Variants in ZNF335 observed in about 807,000 individuals in gnomAD.
The protein encoded by ZNF335 is NRC-interacting factor 1.
In ZNF335, 84 loss-of-function variants were observed where a neutral mutation model predicts 145.6. The ratio of observed to expected loss-of-function variants is 0.58; its 90% CI spans 0.48 to 0.69. ZNF335 has a LOEUF of 0.69. ZNF335 is among the 30% of genes least tolerant of loss of function. ZNF335 has a pLI of 0.00. For synonymous variants in ZNF335, 761 were observed against 717.0 expected (o/e 1.06, Z -0.98); for missense variants, 1,865 against 1,809.7 (o/e 1.03, Z -0.55).
At chr20:45,959,725 C>T (rs1358214044) in intron 14 of ZNF335, among the ~76,000 whole-genome samples, 2 of 152,316 alleles carry the variant, frequency 1.3e-5, no homozygotes, top group East Asian at 3.9e-4. Context: ...GGCTCCTTTT[C>T]TGTAATCGCC....
At chr20:45,956,563 G>A (rs1001441681) in intron 17 of ZNF335, among the ~76,000 whole-genome samples, 2 of 152,088 alleles carry the variant, frequency 1.3e-5, no homozygotes, top group Non-Finnish European at 2.9e-5. Context: ...GCTTTTGTAA[G>A]CAGAAAAACT....
rs1254761059 is a variant in ZNF335, at chr20:45,952,324, C to T, written c.3012G>A (p.Val1004=). 3 of 1,613,224 alleles carry T rather than the reference C, an allele frequency of 1.9e-6. No homozygotes were observed. The highest frequency in any genetic ancestry group is 3.3e-5 in the Admixed American group (2 of 59,958). The part of the protein sequence containing the change: ...PATSKALGLA[V]PPSPPSAATA... The stretch of plus-strand genomic sequence containing the variant: ...TGGCTGCAGATGGCGGTGACGGGGG[C>T]ACTGCCAGGCCCAGGGCTTTGCTGG... The change falls in exon 20 of 28, where the codon GTG becomes GTA. Residue 1004 remains valine (V), a synonymous_variant. Coordinates refer to ENST00000322927, the MANE Select transcript of ZNF335 (RefSeq NM_022095.4).
intron 20 of ZNF335, 129 bp downstream of exon 20, chr20:45,952,018 C>T: frequency 7.3e-7 from 1 of 1,365,610 alleles, no homozygotes; most frequent in Non-Finnish European, 9.7e-7. Context: ...GCGGAGTCAT[C>T]TCTGACCCAT....
rs774592503 is a variant in ZNF335 at position 45,953,756 on chromosome 20, T to A, written c.2635A>T (p.Thr879Ser). 26 of 1,614,042 alleles carry A rather than the reference T, an allele frequency of 1.6e-5. No individual in the cohort carries two copies. The highest frequency in any genetic ancestry group is 2.2e-5 in the Non-Finnish European group (26 of 1,180,030). Residue 879 changes from threonine (T) to serine (S), a missense_variant, in exon 18 of 28, where the codon ACT becomes TCT. Transcript: ENST00000322927. Reference protein sequence around the residue: ...ITLAPGPFGGTGYSVITAPPM... With the variant: ...ITLAPGPFGGSGYSVITAPPM... ...GGTGCTGTGATGACACTGTAGCCAG[T>A]CCCACCAAATGGACCAGGTGCCAGG... is the stretch of plus-strand genomic sequence containing the variant.
chr20:45,957,955 TGA>T (rs748016294), intron 15 of ZNF335, 27 bp from the exon 16 acceptor site: 112 of 1,583,514 alleles, frequency 7.1e-5, no homozygotes, highest in Non-Finnish European at 9.4e-5. Context: ...TGGCCACGCC[TGA>T]GAGGGGCCAG....
At chr20:45,968,597 A>T (rs2145417613) in intron 3 of ZNF335, 4 of 448,930 alleles carry the variant, frequency 8.9e-6, no homozygotes, top group Middle Eastern at 6.0e-4. Flanking sequence ...CTTACACAAG[A>T]TGCCACAGCT....
intron 1 of ZNF335, chr20:45,971,797 G>C (rs1275184314): frequency 2.0e-6 from 2 of 985,300 alleles, no homozygotes; most frequent in African/African-American, 1.7e-5. Flanking sequence ...CCGGGTTGCA[G>C]GGCCGGTGGT....
In ZNF335 at chr20:45,965,778, T is replaced by C. The variant is rs113840394; in HGVS notation, c.956-4A>G. The C allele has an allele frequency of 6.3e-7, 1 of 1,598,758 alleles. No homozygotes were observed. The highest frequency in any genetic ancestry group is 8.5e-7 in the Non-Finnish European group (1 of 1,173,118). On this transcript the variant is annotated splice_polypyrimidine_tract_variant and splice_region_variant and intron_variant, in intron 6 of 27. Coordinates refer to ENST00000322927, the MANE Select transcript of ZNF335 (RefSeq NM_022095.4). ...GCTGGATTATAGTCGCTATCCTCTG[T>C]GGGGGACAGTAAAGTTGGTGAACAG...
intron 18 of ZNF335, among the ~76,000 whole-genome samples, chr20:45,953,372 A>C (rs2083668901): frequency 6.6e-6 from 1 of 152,220 alleles, no homozygotes; most frequent in South Asian, 2.1e-4. Flanking sequence ...CCAGGGTTCA[A>C]ATCTCACCTA....
At chr20:45,950,741 GA>G in intron 20 of ZNF335, 146 bp from the exon 21 acceptor site, 1 of 1,048,238 alleles carries the variant, frequency 9.5e-7, no homozygotes, top group Non-Finnish European at 1.4e-6. Flanking sequence ...AAGCTGGGTA[GA>G]AAGGCCAAGC....
chr20:45,962,368 AGCACCCACTCTGT>A (rs1278272631), intron 9 of ZNF335, among the ~76,000 whole-genome samples, 186 bp from the exon 10 acceptor site: 2 of 152,228 alleles, frequency 1.3e-5, no homozygotes, highest in African/African-American at 4.8e-5. Context: ...CCCCAGCGAG[AGCACCCACTCTGT>A]GCCAGGCTCT....
chr20:45,969,497 G>A lies in ZNF335; in HGVS notation c.396C>T (p.Ala132=). 6.4e-7 allele frequency: 1 copy of A among 1,568,786 alleles called. No individual in the cohort carries two copies. The highest frequency in any genetic ancestry group is 1.7e-5 in the Admixed American group (1 of 58,256). Residue 132 remains alanine (A), a synonymous_variant, in exon 3 of 28, where the codon GCC becomes GCT. Transcript: ENST00000322927. ...CTASSSDLGS[A]IDKIIESTIG... ...TGGTGGACTCGATGATCTTGTCGAT[G>A]GCCGAGCCCAGGTCCGAGGAGGAAG...
Position 45,963,865 on chromosome 20 carries a change from G to C in ZNF335, c.1228C>G (p.Pro410Ala). 6.2e-7 allele frequency: 1 copy of C among 1,611,162 alleles called. No homozygotes were observed. Among genetic ancestry groups the C allele is most frequent in the African/African-American group, 1.3e-5 (1 of 75,030 alleles). Residue 410 changes from proline to alanine, a missense_variant, in exon 8 of 28, where the codon CCT becomes GCT. Transcript: ENST00000322927. ...GACTGGCTCACACCAGCTTCCACAG[G>C]GGTCCTGCTCACCTTGCCCATGGCC... ...LVAMGKVSRT[P>A]VEAGVSQSDA...
chr20:45,971,922 G>A (rs1317585122), intron 1 of ZNF335, 200 bp downstream of exon 1: 2 of 985,328 alleles, frequency 2.0e-6, no homozygotes, highest in Non-Finnish European at 2.4e-6. Context: ...GGCGCTGCCT[G>A]TGCTCCAGGC....
chr20:45,969,602 T>A lies in ZNF335; in HGVS notation c.291A>T (p.Ala97=). The A allele has an allele frequency of 2.5e-6, 4 of 1,608,470 alleles. No homozygotes were observed. The highest frequency in any genetic ancestry group is 3.4e-6 in the Non-Finnish European group (4 of 1,175,792). The part of the protein sequence containing the change: ...DSSSVSHGPV[A]GVTGGPPALV... ...GTGCTGGGGGACCGCCTGTCACCCC[T>A]GCCACTGGCCCATGAGACACAGACG... The change falls in exon 3 of 28, where the codon GCA becomes GCT. Residue 97 remains alanine, a synonymous_variant. Transcript: ENST00000322927.
chr20:45,952,518 T>C lies in ZNF335; in HGVS notation c.2818A>G (p.Thr940Ala). The change falls in exon 20 of 28, where the codon ACC becomes GCC. Residue 940 changes from threonine to alanine, a missense_variant. By Grantham distance (58) the Thr-to-Ala change is moderately conservative. Coordinates refer to ENST00000322927, the MANE Select transcript of ZNF335 (RefSeq NM_022095.4). ...GGGAAGGAGATGGAGCCATCTGCGG[T>C]GAGCTGTAGAGAGACAGGGAGCATG... ...DGTQLHHIEL[T>A]ADGSISFPSP... The C allele has an allele frequency of 6.3e-7, 1 of 1,584,548 alleles. No homozygotes were observed. The highest frequency in any genetic ancestry group is 8.6e-7 in the Non-Finnish European group (1 of 1,161,944).
rs2145350190 is a variant in ZNF335 at position 45,949,093 on chromosome 20, G to A, written c.3902-13C>T. ...GCATCAGCCACTGCTGCCAGGGGAG[G>A]GGAAAGTATGGTGAGCTGGAGGCTC... is the stretch of plus-strand genomic sequence containing the variant. On this transcript the variant is annotated splice_polypyrimidine_tract_variant and intron_variant, in intron 27 of 27. Transcript: ENST00000322927. 2 of 1,613,706 alleles carry A rather than the reference G, an allele frequency of 1.2e-6. No homozygotes were observed. Among genetic ancestry groups the A allele is most frequent in the East Asian group, 2.2e-5 (1 of 44,884 alleles).
Position 45,949,543 on chromosome 20 carries a change from C to A in ZNF335, c.3695G>T (p.Gly1232Val), listed in dbSNP as rs756972556. 5.0e-6 allele frequency: 8 copies of A among 1,612,932 alleles called. No homozygotes were observed. In the African/African-American group the frequency reaches 5.3e-5, roughly 11 times the overall value. Residue 1232 changes from glycine to valine, a missense_variant, in exon 25 of 28, where the codon GGT (glycine) becomes GTT (valine). Gly to Val is a moderately radical substitution (Grantham distance 109). Transcript: ENST00000322927. ...NQVQYIISQDGVQHLLPQEYV... is the reference protein window; with the variant it reads ...NQVQYIISQDVVQHLLPQEYV... The stretch of plus-strand genomic sequence containing the variant: ...TTCCTGGGGGAGCAGGTGCTGGACA[C>A]CATCCTGGGAGATGATATACTGCAC...
chr20:45,951,426 G>A (rs1441105302), intron 20 of ZNF335, among the ~76,000 whole-genome samples: 1 of 152,244 alleles, frequency 6.6e-6, no homozygotes, highest in Admixed American at 6.5e-5. Flanking sequence ...GAACCTCTGT[G>A]CCCTCAGTAT....
Sources: gnomAD v4.1 joint callset for allele counts (sites outside exome capture counted in the v4.1 genomes callset) on GRCh38, gnomAD v4.1.1 for gene constraint, MANE v1.5 for transcripts, NCBI Gene and HGNC (gene_info 2026-07-23, HGNC 2026-07-21) for gene names.